The following ULK2 variants were observed in gnomAD, a reference collection of about 807,000 sequenced individuals.
ULK2 encodes serine/threonine-protein kinase ULK2.
Under a neutral mutation model 127.5 loss-of-function variants are expected in ULK2, and 76 were observed. That is an observed-to-expected ratio of 0.60 (90% CI 0.50 to 0.72). The LOEUF is 0.72. ULK2 is among the 30% of genes least tolerant of loss of function. ULK2 has a pLI of 0.00. For missense variants in ULK2, 1,144 were observed against 1,295.9 expected, an observed-to-expected ratio of 0.88 and a Z score of 1.80; for synonymous variants, 452 against 461.9, an observed-to-expected ratio of 0.98 and a Z score of 0.28.
intron 20 of ULK2, among the ~76,000 whole-genome samples, chr17:19,794,337 G>A (rs906141165): frequency 1.3e-5 from 2 of 152,096 alleles, no homozygotes; most frequent in Non-Finnish European, 2.9e-5. Context: ...CCAGAAGAAT[G>A]AGAGAGAGAA....
chr17:19,811,889 A>C (rs188822915), intron 13 of ULK2, among the ~76,000 whole-genome samples: 133 of 152,328 alleles, frequency 8.7e-4, no homozygotes, highest in Non-Finnish European at 1.5e-3. Context: ...ATTTTAAGTA[A>C]TATTCATAGA....
chr17:19,776,443 A>C, intron 26 of ULK2, 36 bp from the exon 27 acceptor site: 1 of 1,522,048 alleles, frequency 6.6e-7, no homozygotes, highest in Non-Finnish European at 8.9e-7. Flanking sequence ...GAACTAATGA[A>C]AAAAATCACT....
rs2087292998 is a variant in ULK2 at position 19,797,331 on chromosome 17, T to C, written c.1809+65A>G. On this transcript the variant is annotated intron_variant, in intron 18 of 26. Transcript: ENST00000395544. ...AATAAAAAAATTATAGCTATTCTCA[T>C]AATGAATCCTTTCCATAAAGTACTA... The C allele has an allele frequency of 8.2e-6, 12 of 1,470,342 alleles. No homozygotes were observed. The East Asian group carries it at 2.4e-4, about 29-fold the overall frequency. 91.1% of individuals were successfully genotyped at this position (1,470,342 alleles called of 1,614,324 possible). A position where few individuals can be genotyped will look rare whatever the true frequency, so the allele number is the denominator to read the frequency against.
chr17:19,860,524 C>CTT (rs34701817), intron 3 of ULK2, among the ~76,000 whole-genome samples: 6 of 138,144 alleles, frequency 4.3e-5, no homozygotes, highest in East Asian at 2.1e-4. Flanking sequence ...ATTAATACCT[C>CTT]TTTTTTTTTT....
rs548106803 is a variant in ULK2 at position 19,832,399 on chromosome 17, C to CT, written c.787+6101dup. Among the ~76,000 whole-genome samples the CT allele has an allele frequency of 6.6e-5, 10 of 152,056 alleles. No homozygotes were observed. In the East Asian group the frequency reaches 1.8e-3, roughly 27 times the overall value. ...CCTCCCAGCTCAGCCTCCTGAGTGG[C>CT]TGGGACTACAGGCCCACACCACAAC... On this transcript the variant is annotated intron_variant, in intron 10 of 26. Transcript: ENST00000395544.
At chr17:19,814,423 TATATATATATATATA>T (rs2040919124) in intron 13 of ULK2, among the ~76,000 whole-genome samples, 2 of 14,714 alleles carry the variant, frequency 1.4e-4, no homozygotes, top group African/African-American at 5.5e-4. Flanking sequence ...TATATATATA[TATATATATATATATA>T]TTTTTTTTTT....
chr17:19,816,973 G>A, intron 12 of ULK2, 53 bp from the exon 13 acceptor site: 1 of 1,524,426 alleles, frequency 6.6e-7, no homozygotes, highest in Non-Finnish European at 8.8e-7. Context: ...ATGCAAGTCA[G>A]AATAGTGACT....
intron 5 of ULK2, among the ~76,000 whole-genome samples, chr17:19,847,357 G>A (rs545650540): frequency 1.3e-5 from 2 of 152,284 alleles, no homozygotes; most frequent in South Asian, 2.1e-4. Flanking sequence ...TTTGACCAGA[G>A]GGATCAGATA....
intron 1 of ULK2, 69 bp from the exon 2 acceptor site, chr17:19,865,897 G>T: frequency 1.1e-6 from 1 of 930,998 alleles, no homozygotes; most frequent in Non-Finnish European, 1.6e-6. Flanking sequence ...ATTTACAAGC[G>T]CGAAGGTGTT....
chr17:19,849,403 A>G lies in ULK2; in HGVS notation c.261T>C (p.Tyr87=). The change falls in exon 5 of 27, where the codon TAT becomes TAC. Residue 87 remains tyrosine, a splice_region_variant and synonymous_variant. Coordinates refer to ENST00000395544, the MANE Select transcript of ULK2 (RefSeq NM_014683.4). ...LPNSVFLVME[Y]CNGGDLADYL... ...AATCTGCGAGGTCTCCACCATTGCAATACTGACATAGAAAAGAGAAAGTAA... is the reference window on the plus strand; with the variant it reads ...AATCTGCGAGGTCTCCACCATTGCAGTACTGACATAGAAAAGAGAAAGTAA... The G allele has an allele frequency of 6.2e-7, 1 of 1,606,866 alleles. No homozygotes were observed. Among genetic ancestry groups the G allele is most frequent in the Non-Finnish European group, 8.5e-7 (1 of 1,175,540 alleles).
Position 19,796,288 on chromosome 17 carries a change from G to C in ULK2, c.1810-6C>G, listed in dbSNP as rs903098040. 6 of 1,474,112 alleles carry C rather than the reference G, an allele frequency of 4.1e-6. No individual in the cohort carries two copies. Among genetic ancestry groups the C allele is most frequent in the Non-Finnish European group, 5.4e-6 (6 of 1,117,278 alleles). The allele number at this position is 1,474,112 out of a possible 1,614,324, so 91.3% of individuals were successfully genotyped here. On this transcript the variant is annotated splice_polypyrimidine_tract_variant and splice_region_variant and intron_variant, in intron 18 of 26. Transcript: ENST00000395544. ...ATTTTGAAAGGAGCTGTGGTCTAAA[G>C]AGACATATATATATATATATATGTA... is the stretch of plus-strand genomic sequence containing the variant.
At chr17:19,783,646 T>A in intron 22 of ULK2, 51 bp downstream of exon 22, 1 of 1,359,222 alleles carries the variant, frequency 7.4e-7, no homozygotes, top group East Asian at 2.7e-5. Context: ...CACTAGAATG[T>A]TCTCATATCA....
At position 19,774,790 on chromosome 17, in the gene ULK2, G is replaced by C. The variant is rs1414873440; in HGVS notation, c.*1559C>G. 1 of 152,496 alleles carries C rather than the reference G, an allele frequency of 6.6e-6. No homozygotes were observed. Among genetic ancestry groups the C allele is most frequent in the Non-Finnish European group, 1.5e-5 (1 of 68,030 alleles). The allele number at this position is 152,496 out of a possible 1,614,324, so 9.4% of individuals were successfully genotyped here. Reference sequence around the variant, plus strand: ...TTTACCTTAATATACATTTGTACAGGCAATAATAAAAAGGCTATTACACAA... The same window carrying C: ...TTTACCTTAATATACATTTGTACAGCCAATAATAAAAAGGCTATTACACAA... On this transcript the variant is annotated 3_prime_UTR_variant, in exon 27 of 27. Coordinates refer to ENST00000395544, the MANE Select transcript of ULK2 (RefSeq NM_014683.4).
chr17:19,783,759 G>A lies in ULK2; in HGVS notation c.2398C>T (p.Pro800Ser), dbSNP rs1182013352. 1 of 1,601,024 alleles carries A rather than the reference G, an allele frequency of 6.2e-7. No homozygotes were observed. Among genetic ancestry groups the A allele is most frequent in the African/African-American group, 1.3e-5 (1 of 74,588 alleles). The change falls in exon 22 of 27, where the codon CCC becomes TCC. Residue 800 changes from proline to serine, a missense_variant. By Grantham distance (74) the Pro-to-Ser change is moderately conservative. This residue lies in a region of ULK2 where 913 missense variants were observed against 970.5 expected (regional missense o/e 0.94). Coordinates refer to ENST00000395544, the MANE Select transcript of ULK2 (RefSeq NM_014683.4). ...AAGGTGATGAGCCCCTCTAGGCTGG[G>A]GGGTGAAGCACCGTAAGGCACGTAT... is the stretch of plus-strand genomic sequence containing the variant. ...LRYVPYGASPPSLEGLITFEA... is the reference protein window; with the variant it reads ...LRYVPYGASPSSLEGLITFEA...
rs141488373 is a variant in ULK2, at chr17:19,788,139, A to G, written c.2102-2053T>C. 6.2e-3 allele frequency among the ~76,000 whole-genome samples: 937 copies of G among 152,252 alleles called. 22 individuals carry two copies. The East Asian group carries it at 0.076, about 12-fold the overall frequency. ...TCCAAGTGAACTTGAAAGGCAGTCT[A>G]GGACACAAGGACTGCAATTCCTAGC... On this transcript the variant is annotated intron_variant, in intron 20 of 26. Coordinates refer to ENST00000395544, the MANE Select transcript of ULK2 (RefSeq NM_014683.4).
chr17:19,826,127 A>G lies in ULK2; in HGVS notation c.835+12T>C, dbSNP rs1344989903. On this transcript the variant is annotated intron_variant, in intron 11 of 26. Coordinates refer to ENST00000395544, the MANE Select transcript of ULK2 (RefSeq NM_014683.4). ...CATTCTTTAAGTGAAAATACAAAAA[A>G]TGGATACTCACATTTTTTTACTGGA... 2 of 1,428,496 alleles carry G rather than the reference A, an allele frequency of 1.4e-6. No homozygotes were observed. Among genetic ancestry groups the G allele is most frequent in the Admixed American group, 2.2e-5 (1 of 45,160 alleles). The allele number at this position is 1,428,496 out of a possible 1,614,324, so 88.5% of individuals were successfully genotyped here.
chr17:19,847,694 C>T (rs2041916302), intron 5 of ULK2, among the ~76,000 whole-genome samples: 1 of 152,142 alleles, frequency 6.6e-6, no homozygotes, highest in Non-Finnish European at 1.5e-5. Flanking sequence ...GGACTACAGG[C>T]ATGTATCACC....
intron 15 of ULK2, among the ~76,000 whole-genome samples, chr17:19,803,168 T>C (rs2087436627): frequency 6.6e-6 from 1 of 152,140 alleles, no homozygotes; most frequent in Non-Finnish European, 1.5e-5. Flanking sequence ...TTTTTTAAGG[T>C]AAAAAGGGTA....
chr17:19,865,642 G>T, intron 2 of ULK2, 94 bp downstream of exon 2: 1 of 671,210 alleles, frequency 1.5e-6, no homozygotes, highest in Non-Finnish European at 2.3e-6. Flanking sequence ...TCTCAAACTT[G>T]GACCCAACTA....
Sources: allele counts gnomAD v4.1 joint callset (sites outside exome capture counted in the v4.1 genomes callset), GRCh38; gene constraint gnomAD v4.1.1; regional missense constraint gnomAD v4.1.1; transcripts MANE v1.5; gene names NCBI Gene and HGNC (gene_info 2026-07-23, HGNC 2026-07-21).